Variants in COLGALT1 observed in about 807,000 individuals in gnomAD.
The protein encoded by COLGALT1 is collagen beta(1-O)galactosyltransferase 1, also known as procollagen galactosyltransferase 1.
Under a neutral mutation model 60.8 loss-of-function variants are expected in COLGALT1, and 43 were observed. That is an observed-to-expected ratio of 0.71 (90% CI 0.55 to 0.91). The LOEUF (loss-of-function observed/expected upper bound fraction) is 0.91, where lower values mean the gene tolerates loss of function less well. Among genes scored for constraint, COLGALT1 ranks in the 40% least tolerant of loss-of-function variants. The probability of loss-of-function intolerance (pLI) is 0.00; values close to 1 mark genes in which losing one functional copy is unlikely to be tolerated. For synonymous variants in COLGALT1, 369 were observed against 374.2 expected (o/e 0.99, Z 0.16); for missense variants, 845 against 880.0 (o/e 0.96, Z 0.50).
At chr19:17,576,823 C>G (rs1282581845) in intron 6 of COLGALT1, among the ~76,000 whole-genome samples, 2 of 138,828 alleles carry the variant, frequency 1.4e-5, no homozygotes, top group Non-Finnish European at 3.1e-5. Context: ...AAGCTGTAGC[C>G]TGGGGTGTGG....
intron 5 of COLGALT1, among the ~76,000 whole-genome samples, chr19:17,569,618 G>A (rs1180134885): frequency 1.3e-5 from 2 of 151,922 alleles, no homozygotes; most frequent in Non-Finnish European, 2.9e-5. Context: ...TATATTTATA[G>A]TAGAGACAGG....
intron 2 of COLGALT1, 27 bp from the exon 3 acceptor site, chr19:17,560,321 G>A (rs1347982939): frequency 6.3e-7 from 1 of 1,593,154 alleles, no homozygotes; most frequent in South Asian, 1.1e-5. Context: ...GCCTTGTGAT[G>A]TCCACATCAC....
chr19:17,572,231 C>G (rs865989808), intron 5 of COLGALT1, among the ~76,000 whole-genome samples: 1 of 151,944 alleles, frequency 6.6e-6, no homozygotes, highest in Non-Finnish European at 1.5e-5. Context: ...TCACTTGAAC[C>G]CGGGAGGCGG....
At position 17,581,080 on chromosome 19, in the gene COLGALT1, A is replaced by G. The variant is rs2076378464; in HGVS notation, c.1602-97A>G. On this transcript the variant is annotated intron_variant, in intron 11 of 11. Transcript: ENST00000252599. ...GTATCCCCTGCACACTTACGTTTTAATCTGTCCCCGCTGACTTCTTCACCC... is the reference window on the plus strand; with the variant it reads ...GTATCCCCTGCACACTTACGTTTTAGTCTGTCCCCGCTGACTTCTTCACCC... The G allele has an allele frequency of 3.4e-6, 5 of 1,456,208 alleles. No individual in the cohort carries two copies. The Admixed American group carries it at 9.4e-5, about 27-fold the overall frequency. 90.2% of individuals were successfully genotyped at this position (1,456,208 alleles called of 1,614,324 possible). A position where few individuals can be genotyped will look rare whatever the true frequency, so the allele number is the denominator to read the frequency against.
At chr19:17,574,970 C>T (rs533111273) in intron 6 of COLGALT1, among the ~76,000 whole-genome samples, 7 of 152,326 alleles carry the variant, frequency 4.6e-5, no homozygotes, top group Admixed American at 1.3e-4. Flanking sequence ...GATCCTTCCA[C>T]CTCAGCCTCC....
chr19:17,567,470 A>G lies in COLGALT1; in HGVS notation c.554A>G (p.Lys185Arg). Residue 185 changes from lysine (K) to arginine (R), a missense_variant, in exon 4 of 12, where the codon AAG becomes AGG. Coordinates refer to ENST00000252599, the MANE Select transcript of COLGALT1 (RefSeq NM_024656.4). ...DTLSLLIAEN[K>R]TVVAPMLDSR... Reference sequence around the variant, plus strand: ...CTGAGCCTGCTCATCGCTGAGAACAAGACGGTGGTCGCCCCCATGCTGGAT... The same window carrying G: ...CTGAGCCTGCTCATCGCTGAGAACAGGACGGTGGTCGCCCCCATGCTGGAT... 1 of 1,614,160 alleles carries G rather than the reference A, an allele frequency of 6.2e-7. No homozygotes were observed.
At position 17,580,742 on chromosome 19, in the gene COLGALT1, G is replaced by A; in HGVS notation, c.1438G>A (p.Ala480Thr). 6.2e-7 allele frequency: 1 copy of A among 1,614,044 alleles called. No homozygotes were observed. Among genetic ancestry groups the A allele is most frequent in the Non-Finnish European group, 8.5e-7 (1 of 1,180,022 alleles). ...GATGCAGGTGGAGCACCCCGAGAAG[G>A]CTGTGCCTCGCGTGAGGAACCTGGT... ...KRMQVEHPEK[A>T]VPRVRNLVEA... Residue 480 changes from alanine to threonine, a missense_variant, in exon 11 of 12, where the codon GCT (alanine) becomes ACT (threonine). Ala to Thr is a moderately conservative substitution (Grantham distance 58, BLOSUM62 0). Coordinates refer to ENST00000252599, the MANE Select transcript of COLGALT1 (RefSeq NM_024656.4).
chr19:17,572,906 G>C (rs1237102768), intron 6 of COLGALT1, among the ~76,000 whole-genome samples: 1 of 152,168 alleles, frequency 6.6e-6, no homozygotes, highest in Admixed American at 6.5e-5. Flanking sequence ...AGGTGGTAGT[G>C]TGGGCAAAGG....
chr19:17,579,725 C>G, intron 10 of COLGALT1, 116 bp downstream of exon 10: 27 of 1,301,608 alleles, frequency 2.1e-5, no homozygotes, highest in Middle Eastern at 2.4e-4. Context: ...GGCTTAGAGG[C>G]GGGGCTTGAA....
chr19:17,579,859 T>TGGGTGTGGTCAGGGTGGC, intron 10 of COLGALT1: 8 of 515,626 alleles, frequency 1.6e-5, no homozygotes, highest in Non-Finnish European at 2.8e-5. Flanking sequence ...CCTGTATGTC[T>TGGGTGTGGTCAGGGTGGC]GGGTGTGGTC....
intron 10 of COLGALT1, chr19:17,580,226 C>T: frequency 4.7e-6 from 1 of 211,072 alleles, no homozygotes; most frequent in Admixed American, 5.3e-5. Context: ...AGCACTGGAG[C>T]CGTCCTTCTC....
At chr19:17,558,555 G>C (rs1404978817) in intron 1 of COLGALT1, among the ~76,000 whole-genome samples, 2 of 151,508 alleles carry the variant, frequency 1.3e-5, no homozygotes, top group African/African-American at 4.8e-5. Flanking sequence ...GTGGGCACCT[G>C]TAATCCCAGC....
At chr19:17,563,782 C>G (rs2076263529) in intron 3 of COLGALT1, among the ~76,000 whole-genome samples, 1 of 152,122 alleles carries the variant, frequency 6.6e-6, no homozygotes, top group South Asian at 2.1e-4. Context: ...GTGTGAGCCA[C>G]TGCGCCTGGT....
intron 1 of COLGALT1, 126 bp from the exon 2 acceptor site, chr19:17,559,185 G>T: frequency 1.4e-6 from 1 of 706,768 alleles, no homozygotes. Flanking sequence ...AAAGGGAGAA[G>T]TGTCCTGTCC....
chr19:17,560,551 C>G (rs774155159), intron 3 of COLGALT1, 86 bp downstream of exon 3: 32 of 1,075,636 alleles, frequency 3.0e-5, no homozygotes, highest in Non-Finnish European at 4.6e-5. Flanking sequence ...CCAGGACCAT[C>G]CTTAATGTTG....
rs1365445560 is a variant in COLGALT1, at chr19:17,559,404, G to T, written c.354G>T (p.Arg118=). 9.0e-6 allele frequency: 14 copies of T among 1,551,624 alleles called. No individual in the cohort carries two copies. In the Admixed American group the frequency reaches 2.7e-4, roughly 30 times the overall value. The change falls in exon 2 of 12, where the codon CGG becomes CGT. Residue 118 remains arginine (R), a synonymous_variant. Coordinates refer to ENST00000252599, the MANE Select transcript of COLGALT1 (RefSeq NM_024656.4). The part of the protein sequence containing the change: ...VKSLYHSVEW[R]PAEEPRSYPD... ...GTTTGTACCATTCCGTGGAGTGGCG[G>T]CCAGCAGAGGAGCCCAGGTGAGCAT...
intron 8 of COLGALT1, 144 bp from the exon 9 acceptor site, chr19:17,577,813 A>AG (rs1440716407): frequency 2.7e-6 from 3 of 1,098,682 alleles, no homozygotes; most frequent in Non-Finnish European, 3.9e-6. Flanking sequence ...CAGGTGAGTG[A>AG]GGCCCCATGT....
At chr19:17,577,004 T>TGGGGGAGGGGTGAAGC in intron 6 of COLGALT1, 191 bp from the exon 7 acceptor site, 1 of 307,166 alleles carries the variant, frequency 3.3e-6, no homozygotes, top group Non-Finnish European at 6.1e-6. Flanking sequence ...GGCCAGGGCT[T>TGGGGGAGGGGTGAAGC]TGGGCTGCTG....
chr19:17,567,886 T>A (rs1438031982), intron 4 of COLGALT1, among the ~76,000 whole-genome samples: 1 of 152,024 alleles, frequency 6.6e-6, no homozygotes, highest in African/African-American at 2.4e-5. Context: ...GAGGCGGAAG[T>A]TGCAGTGAGC....
Sources: allele counts gnomAD v4.1 joint callset (sites outside exome capture counted in the v4.1 genomes callset), GRCh38; gene constraint gnomAD v4.1.1; transcripts MANE v1.5; gene names NCBI Gene and HGNC (gene_info 2026-07-23, HGNC 2026-07-21).